GDAP1L1: variants seen among roughly 807,000 people sequenced by gnomAD.
GDAP1L1 encodes the protein ganglioside induced differentiation associated protein 1 like 1.
A neutral mutation model predicts 37.1 loss-of-function variants in GDAP1L1; 21 were observed. That is an observed-to-expected ratio of 0.57 (90% CI 0.40 to 0.81). The LOEUF is 0.81. Among genes scored for constraint, GDAP1L1 ranks in the 40% least tolerant of loss-of-function variants. The pLI is 0.00. For synonymous variants in GDAP1L1, 193 were observed against 209.1 expected (o/e 0.92, Z 0.67); for missense variants, 362 against 491.6 (o/e 0.74, Z 2.49).
intron 5 of GDAP1L1, among the ~76,000 whole-genome samples, chr20:44,272,066 C>T (rs1323070211): frequency 1.3e-5 from 2 of 152,188 alleles, no homozygotes; most frequent in African/African-American, 4.8e-5. Context: ...TCCTCTCCCG[C>T]CCCTGCTTCC....
intron 5 of GDAP1L1, chr20:44,264,788 T>A (rs2073735698): frequency 8.5e-7 from 1 of 1,173,514 alleles, no homozygotes; most frequent in Non-Finnish European, 1.1e-6. Flanking sequence ...ATCTATAAAA[T>A]GGGGATAATA....
chr20:44,265,926 A>C (rs2073754747), intron 5 of GDAP1L1, among the ~76,000 whole-genome samples: 1 of 152,234 alleles, frequency 6.6e-6, no homozygotes, highest in South Asian at 2.1e-4. Context: ...CAGAGACATC[A>C]TCATGCATAC....
chr20:44,270,881 T>G (rs1185892595), intron 5 of GDAP1L1, among the ~76,000 whole-genome samples: 2 of 152,184 alleles, frequency 1.3e-5, no homozygotes, highest in Non-Finnish European at 2.9e-5. Flanking sequence ...TTAGAAGTCA[T>G]GAAATACAGC....
intron 5 of GDAP1L1, among the ~76,000 whole-genome samples, chr20:44,275,698 A>G (rs1420149047): frequency 6.6e-6 from 1 of 152,210 alleles, no homozygotes; most frequent in Non-Finnish European, 1.5e-5. Flanking sequence ...GAACTTGGAC[A>G]TTAAGGTGTA....
chr20:44,273,905 G>A (rs577085743), intron 5 of GDAP1L1, among the ~76,000 whole-genome samples: 1 of 152,230 alleles, frequency 6.6e-6, no homozygotes, highest in Non-Finnish European at 1.5e-5. Flanking sequence ...ATTAGAAAGA[G>A]ATCTTCACAG....
At chr20:44,271,341 G>A (rs1425147603) in intron 5 of GDAP1L1, among the ~76,000 whole-genome samples, 1 of 152,240 alleles carries the variant, frequency 6.6e-6, no homozygotes. Flanking sequence ...AAAGCCCACT[G>A]AGGAGTGGCC....
chr20:44,270,628 C>T (rs954604201), intron 5 of GDAP1L1, among the ~76,000 whole-genome samples: 2 of 152,262 alleles, frequency 1.3e-5, no homozygotes, highest in South Asian at 2.1e-4. Context: ...TGACTGGGGC[C>T]GGAGGATCCA....
chr20:44,258,195 G>C, intron 2 of GDAP1L1: 2 of 717,892 alleles, frequency 2.8e-6, no homozygotes, highest in Non-Finnish European at 5.2e-6. Flanking sequence ...CTAGGACCCC[G>C]CCTGGCAGCA....
intron 3 of GDAP1L1, 34 bp from the exon 4 acceptor site, chr20:44,263,196 C>A: frequency 6.4e-7 from 1 of 1,560,402 alleles, no homozygotes. Context: ...ACCAAGGTAT[C>A]AGAGGGATGG....
intron 4 of GDAP1L1, among the ~76,000 whole-genome samples, chr20:44,264,210 C>A (rs1220391894): frequency 2.0e-5 from 3 of 152,096 alleles, no homozygotes; most frequent in Admixed American, 2.0e-4. Flanking sequence ...TAGCAGCCAG[C>A]CCTCCCAGCA....
chr20:44,268,692 G>A (rs1270191272), intron 5 of GDAP1L1, among the ~76,000 whole-genome samples: 1 of 152,246 alleles, frequency 6.6e-6, no homozygotes, highest in East Asian at 1.9e-4. Context: ...AGAAGAATCA[G>A]GGCAGATATG....
chr20:44,276,647 T>G (rs954458241), intron 5 of GDAP1L1, among the ~76,000 whole-genome samples: 5 of 151,672 alleles, frequency 3.3e-5, no homozygotes, highest in African/African-American at 9.7e-5. Context: ...ATACTACTGT[T>G]AATGATACAG....
intron 5 of GDAP1L1, among the ~76,000 whole-genome samples, chr20:44,271,645 G>T (rs1351903655): frequency 6.6e-6 from 1 of 152,130 alleles, no homozygotes; most frequent in Non-Finnish European, 1.5e-5. Flanking sequence ...GGTGGTGGCT[G>T]AAGAAGGATG....
intron 4 of GDAP1L1, 84 bp downstream of exon 4, chr20:44,263,411 C>A: frequency 1.0e-6 from 1 of 953,072 alleles, no homozygotes; most frequent in Non-Finnish European, 1.7e-6. Context: ...AGTAGAAGAT[C>A]AGCTGATGAT....
In GDAP1L1 at chr20:44,280,002, C is replaced by T; in HGVS notation, c.*702C>T. The T allele has an allele frequency of 2.9e-6, 1 of 343,920 alleles. No homozygotes were observed. Among genetic ancestry groups the T allele is most frequent in the Non-Finnish European group, 5.7e-6 (1 of 174,814 alleles). The allele number at this position is 343,920 out of a possible 1,614,324, so 21.3% of individuals were successfully genotyped here. A position where few individuals can be genotyped will look rare whatever the true frequency, so the allele number is the denominator to read the frequency against. The stretch of plus-strand genomic sequence containing the variant: ...AATCTCTGAAGGCAGCAGCCATCAT[C>T]CTCTTCCTACCTTGAGTTTTTCTAC... On this transcript the variant is annotated 3_prime_UTR_variant, in exon 6 of 6. Transcript: ENST00000342560.
chr20:44,280,885 G>T lies in GDAP1L1; in HGVS notation c.*1585G>T, dbSNP rs1164648795. ...ATGCCCAAAGAACATTAAATCAGGA[G>T]TATAATGTGTAGAATATAAGGCATG... is the stretch of plus-strand genomic sequence containing the variant. On this transcript the variant is annotated 3_prime_UTR_variant, in exon 6 of 6. Coordinates refer to ENST00000342560, the MANE Select transcript of GDAP1L1 (RefSeq NM_024034.6). 2 of 152,254 alleles carry T rather than the reference G, an allele frequency of 1.3e-5. No homozygotes were observed. Among genetic ancestry groups the T allele is most frequent in the Non-Finnish European group, 2.9e-5 (2 of 68,048 alleles). 9.4% of individuals were successfully genotyped at this position (152,254 alleles called of 1,614,324 possible).
chr20:44,264,602 A>G (rs1006452234), intron 5 of GDAP1L1, 43 bp downstream of exon 5: 2 of 1,594,706 alleles, frequency 1.3e-6, no homozygotes, highest in Non-Finnish European at 1.7e-6. Context: ...CAGCCCACCC[A>G]GCCTACTCTT....
At chr20:44,265,009 G>A (rs1427689036) in intron 5 of GDAP1L1, 6 of 985,208 alleles carry the variant, frequency 6.1e-6, no homozygotes, top group Middle Eastern at 5.2e-4. Flanking sequence ...GATACCACAA[G>A]CACAAGACCT....
intron 2 of GDAP1L1, chr20:44,258,105 T>G (rs1054103238): frequency 1.4e-6 from 1 of 715,064 alleles, no homozygotes; most frequent in Non-Finnish European, 2.6e-6. Flanking sequence ...TGTGAGTTGG[T>G]TGCCAACATT....
Sources: allele counts gnomAD v4.1 joint callset (sites outside exome capture counted in the v4.1 genomes callset), GRCh38; gene constraint gnomAD v4.1.1; transcripts MANE v1.5; gene names NCBI Gene and HGNC (gene_info 2026-07-23, HGNC 2026-07-21).